RTN4IP1: variants seen among roughly 807,000 people sequenced by gnomAD.
The protein encoded by RTN4IP1 is NAD(P)H oxidoreductase RTN4IP1, mitochondrial.
In RTN4IP1, 32 loss-of-function variants were observed where a neutral mutation model predicts 46.6. The observed-to-expected ratio is 0.69, with a 90% CI of 0.52 to 0.92. RTN4IP1 has a LOEUF of 0.92. Among genes scored for constraint, RTN4IP1 ranks in the 40% least tolerant of loss-of-function variants. The pLI, the probability that RTN4IP1 is intolerant of heterozygous loss-of-function variation, is 0.00. For synonymous variants in RTN4IP1, 167 were observed against 161.8 expected, an observed-to-expected ratio of 1.03 and a Z score of -0.24; for missense variants, 424 against 485.8, an observed-to-expected ratio of 0.87 and a Z score of 1.20.
Position 106,598,255 on chromosome 6 carries a change from C to G in RTN4IP1, c.669+4619G>C, listed in dbSNP as rs1582366383. Among the ~76,000 whole-genome samples the G allele has an allele frequency of 3.3e-5, 5 of 152,222 alleles. 1 individual carries two copies. Among genetic ancestry groups the G allele is most frequent in the African/African-American group, 1.2e-4 (5 of 41,524 alleles). ...CAAATGGTATTTCTAGCTCTAGATCCCTGAGGAATCGCCACACTGACTTCC... is the reference window on the plus strand; with the variant it reads ...CAAATGGTATTTCTAGCTCTAGATCGCTGAGGAATCGCCACACTGACTTCC... On this transcript the variant is annotated intron_variant, in intron 5 of 8. Transcript: ENST00000369063.
chr6:106,615,607 T>G (rs953031086), intron 4 of RTN4IP1, among the ~76,000 whole-genome samples: 1 of 152,078 alleles, frequency 6.6e-6, no homozygotes, highest in African/African-American at 2.4e-5. Context: ...CCCGAGTAGC[T>G]GGGACTACAG....
intron 5 of RTN4IP1, among the ~76,000 whole-genome samples, chr6:106,595,667 C>A (rs1037314766): frequency 1.3e-5 from 2 of 151,652 alleles, no homozygotes; most frequent in Non-Finnish European, 2.9e-5. Flanking sequence ...CCGGCTAATT[C>A]TTGTATTTTT....
In RTN4IP1 at chr6:106,619,206, T is replaced by C. The variant is rs2114676835; in HGVS notation, c.616A>G (p.Lys206Glu). Residue 206 changes from lysine to glutamate, a missense_variant, in exon 4 of 9, where the codon AAA (lysine) becomes GAA (glutamate). Transcript: ENST00000369063. The stretch of plus-strand genomic sequence containing the variant: ...GCCACTGACTGATACACTTACCGTT[T>C]TCCTGTGCAATTCTTGTCATTCAGG... ...GGLNDKNCTG[K>E]RVLILGASGG... is the part of the protein sequence containing the mutation. 6.2e-7 allele frequency: 1 copy of C among 1,614,168 alleles called. No homozygotes were observed. The highest frequency in any genetic ancestry group is 8.5e-7 in the Non-Finnish European group (1 of 1,179,994).
rs1236195423 is a variant in RTN4IP1, at chr6:106,611,872, TC to T, written c.620+7329del. ...CCAAGAAAACAAAGCTATTTATATA[TC>T]TTGGTAAGGTGGCCAGGGTAAGCCA... is the stretch of plus-strand genomic sequence containing the variant. On this transcript the variant is annotated intron_variant, in intron 4 of 8. Coordinates refer to ENST00000369063, the MANE Select transcript of RTN4IP1 (RefSeq NM_032730.5). Among the ~76,000 whole-genome samples the T allele has an allele frequency of 2.6e-5, 4 of 152,348 alleles. No individual in the cohort carries two copies. In the East Asian group the frequency reaches 7.7e-4, roughly 29 times the overall value.
intron 7 of RTN4IP1, among the ~76,000 whole-genome samples, chr6:106,584,964 T>C (rs1031593944): frequency 3.9e-5 from 6 of 152,166 alleles, no homozygotes; most frequent in Non-Finnish European, 7.3e-5. Context: ...ACTCTAGAAT[T>C]GGTGTGATGA....
chr6:106,625,683 A>C (rs1245024056), intron 1 of RTN4IP1, among the ~76,000 whole-genome samples: 1 of 68,566 alleles, frequency 1.5e-5, no homozygotes, highest in African/African-American at 6.1e-5. Flanking sequence ...TTTTTTTTTG[A>C]GACAGAGTCT....
chr6:106,589,069 C>T (rs1382894999), intron 6 of RTN4IP1, among the ~76,000 whole-genome samples: 1 of 143,842 alleles, frequency 7.0e-6, no homozygotes, highest in Admixed American at 7.2e-5. Context: ...GAGGTCATGC[C>T]ATTGCACTCC....
chr6:106,575,374 C>G (rs1036644112), intron 8 of RTN4IP1, among the ~76,000 whole-genome samples: 1 of 152,190 alleles, frequency 6.6e-6, no homozygotes, highest in Non-Finnish European at 1.5e-5. Flanking sequence ...AAAGGCTGAA[C>G]CAAGCCAAGC....
At chr6:106,602,847 A>T in intron 5 of RTN4IP1, 27 bp downstream of exon 5, 1 of 1,525,880 alleles carries the variant, frequency 6.6e-7, no homozygotes, top group Non-Finnish European at 8.9e-7. Flanking sequence ...AAATCCTCCT[A>T]TTCACAAGAT....
In RTN4IP1 at chr6:106,628,823, T is replaced by G; in HGVS notation, c.199A>C (p.Ile67Leu). Residue 67 changes from isoleucine to leucine, a missense_variant, in exon 1 of 9, where the codon ATC (isoleucine) becomes CTC (leucine). Ile to Leu is a conservative substitution (Grantham distance 5). Coordinates refer to ENST00000369063, the MANE Select transcript of RTN4IP1 (RefSeq NM_032730.5). Reference protein sequence around the residue: ...LRFTQNMMMPIIHYPNEVIVK... With the variant: ...LRFTQNMMMPLIHYPNEVIVK... The stretch of plus-strand genomic sequence containing the variant: ...ATGACTTCATTTGGATAGTGTATGA[T>G]AGGCATCATCATGTTCTGAGTGAAT... The G allele has an allele frequency of 3.1e-6, 5 of 1,614,106 alleles. No individual in the cohort carries two copies. Among genetic ancestry groups the G allele is most frequent in the Non-Finnish European group, 4.2e-6 (5 of 1,179,944 alleles).
chr6:106,602,631 C>T (rs1775974558), intron 5 of RTN4IP1, among the ~76,000 whole-genome samples: 1 of 152,088 alleles, frequency 6.6e-6, no homozygotes, highest in Non-Finnish European at 1.5e-5. Flanking sequence ...AGAATATTTT[C>T]CTTACAGTGA....
In RTN4IP1 at chr6:106,628,966, A is replaced by G; in HGVS notation, c.56T>C (p.Phe19Ser). The part of the protein sequence containing the change: ...LRRNACTAVC[F>S]WRSKVVQKPS... ...CTTTTGGACAACTTTGCTTCTCCAGAAGCAAACCGCAGTGCATGCATTTCT... is the reference window on the plus strand; with the variant it reads ...CTTTTGGACAACTTTGCTTCTCCAGGAGCAAACCGCAGTGCATGCATTTCT... Residue 19 changes from phenylalanine (F) to serine (S), a missense_variant, in exon 1 of 9, where the codon TTC becomes TCC. Phe to Ser is a radical substitution (Grantham distance 155, BLOSUM62 -2). Coordinates refer to ENST00000369063, the MANE Select transcript of RTN4IP1 (RefSeq NM_032730.5). The G allele has an allele frequency of 6.2e-7, 1 of 1,614,142 alleles. No individual in the cohort carries two copies. Among genetic ancestry groups the G allele is most frequent in the Non-Finnish European group, 8.5e-7 (1 of 1,180,012 alleles).
intron 8 of RTN4IP1, among the ~76,000 whole-genome samples, chr6:106,577,759 G>C (rs1775265323): frequency 6.6e-6 from 1 of 152,122 alleles, no homozygotes; most frequent in Non-Finnish European, 1.5e-5. Flanking sequence ...ATAAGGGGAA[G>C]GCAGGAGGGT....
chr6:106,622,789 C>A, intron 2 of RTN4IP1, 29 bp downstream of exon 2: 1 of 1,596,488 alleles, frequency 6.3e-7, no homozygotes, highest in Non-Finnish European at 8.5e-7. Context: ...GTTGGATCCC[C>A]GCAGGAATAG....
chr6:106,571,977 C>CA lies in RTN4IP1; in HGVS notation c.*18dup, dbSNP rs749771853. 6.3e-7 allele frequency: 1 copy of CA among 1,585,362 alleles called. No individual in the cohort carries two copies. The stretch of plus-strand genomic sequence containing the variant: ...CTCACCAAATAAGAACGTCAACAAT[C>CA]ACTAAACTGCATTTTTATTTAAACA... On this transcript the variant is annotated 3_prime_UTR_variant, in exon 9 of 9. Transcript: ENST00000369063.
At chr6:106,604,614 CA>C in intron 4 of RTN4IP1, among the ~76,000 whole-genome samples, 1 of 152,238 alleles carries the variant, frequency 6.6e-6, no homozygotes, top group South Asian at 2.1e-4. Context: ...ATAATCTCAC[CA>C]AACACAGAAG....
intron 1 of RTN4IP1, 34 bp from the exon 2 acceptor site, chr6:106,623,003 G>C (rs769602921): frequency 6.2e-7 from 1 of 1,605,742 alleles, no homozygotes; most frequent in Admixed American, 1.7e-5. Flanking sequence ...TCCTCCAAAT[G>C]TAAGTATGAA....
intron 7 of RTN4IP1, 136 bp downstream of exon 7, chr6:106,587,543 C>T (rs1775515003): frequency 1.4e-6 from 1 of 723,224 alleles, no homozygotes; most frequent in African/African-American, 1.8e-5. Flanking sequence ...TGAAGCCAGT[C>T]ACTGTGACTG....
intron 1 of RTN4IP1, among the ~76,000 whole-genome samples, chr6:106,625,779 T>G (rs2114686133): frequency 6.6e-6 from 1 of 150,888 alleles, no homozygotes; most frequent in Admixed American, 6.7e-5. Context: ...TTCTGCTGTC[T>G]CAGCCTCCTG....
Sources: allele counts gnomAD v4.1 joint callset (sites outside exome capture counted in the v4.1 genomes callset), GRCh38; gene constraint gnomAD v4.1.1; transcripts MANE v1.5; gene names NCBI Gene and HGNC (gene_info 2026-07-23, HGNC 2026-07-21).